ARMC8: variants seen among roughly 807,000 people sequenced by gnomAD.
The protein encoded by ARMC8 is armadillo repeat-containing protein 8.
A neutral mutation model predicts 99.3 loss-of-function variants in ARMC8; 20 were observed. The observed-to-expected ratio is 0.20, with a 90% confidence interval of 0.14 to 0.29. ARMC8 has a LOEUF of 0.29. ARMC8 is among the 10% of genes least tolerant of loss of function. The pLI is 1.00. For synonymous variants in ARMC8, 263 were observed against 278.3 expected (o/e 0.95, Z 0.55); for missense variants, 569 against 809.5 (o/e 0.70, Z 3.60).
intron 1 of ARMC8, among the ~76,000 whole-genome samples, chr3:138,190,466 T>C (rs112787513): frequency 0.014 from 2,147 of 152,124 alleles, 52 homozygotes; most frequent in African/African-American, 0.047. Flanking sequence ...TTTTTGTATT[T>C]TTAGTAGAGA....
chr3:138,253,224 CTGTT>C (rs1250583464), intron 12 of ARMC8, among the ~76,000 whole-genome samples: 1 of 152,196 alleles, frequency 6.6e-6, no homozygotes, highest in Admixed American at 6.5e-5. Flanking sequence ...TCAACAGAAT[CTGTT>C]TGGGAAACCA....
At chr3:138,248,249 A>C (rs2046969240) in intron 12 of ARMC8, among the ~76,000 whole-genome samples, 1 of 152,200 alleles carries the variant, frequency 6.6e-6, no homozygotes, top group African/African-American at 2.4e-5. Context: ...TGTTAAACTT[A>C]GAAGAATTCA....
intron 20 of ARMC8, among the ~76,000 whole-genome samples, 186 bp from the exon 21 acceptor site, chr3:138,290,360 G>A (rs999977406): frequency 6.6e-6 from 1 of 152,142 alleles, no homozygotes; most frequent in Non-Finnish European, 1.5e-5. Flanking sequence ...GCAGAGAGAC[G>A]AGTTAGAAGA....
chr3:138,205,060 C>CTTTTTTTTTTTTTT (rs71146118), intron 1 of ARMC8, among the ~76,000 whole-genome samples: 9 of 93,222 alleles, frequency 9.7e-5, no homozygotes, highest in African/African-American at 3.1e-4. Context: ...CTTTTCTTTT[C>CTTTTTTTTTTTTTT]TTTTTTTTTT....
At chr3:138,224,643 C>T (rs1276509531) in intron 5 of ARMC8, among the ~76,000 whole-genome samples, 1 of 152,086 alleles carries the variant, frequency 6.6e-6, no homozygotes, top group East Asian at 1.9e-4. Context: ...ACCAGCTACT[C>T]GGGAGGCTGA....
chr3:138,252,741 A>C (rs939414682), intron 12 of ARMC8, among the ~76,000 whole-genome samples: 308 of 2,500 alleles, frequency 0.12, no homozygotes, highest in Middle Eastern at 0.25. Context: ...GGCGTGAGCC[A>C]CCCCGCCCCC....
chr3:138,199,827 A>G (rs2043947815), intron 1 of ARMC8, among the ~76,000 whole-genome samples: 1 of 152,208 alleles, frequency 6.6e-6, no homozygotes, highest in Admixed American at 6.5e-5. Context: ...ATAATTGAGA[A>G]TTTGTGATTG....
intron 1 of ARMC8, among the ~76,000 whole-genome samples, chr3:138,201,453 T>G (rs2044070506): frequency 1.3e-5 from 1 of 79,602 alleles, no homozygotes; most frequent in Non-Finnish European, 2.3e-5. Context: ...TTTTTTTTTT[T>G]TTTTTTTTTT....
At position 138,252,746 on chromosome 3, in the gene ARMC8, GCCCCCCCCCCCC is replaced by G. The variant is rs753073185; in HGVS notation, c.1134+7568_1134+7579del. On this transcript the variant is annotated intron_variant, in intron 12 of 21. Coordinates refer to ENST00000469044, the MANE Select transcript of ARMC8 (RefSeq NM_001363941.2). ...TGGGATTACAGGCGTGAGCCACCCCGCCCCCCCCCCCCCCCCACCCGGCCTAAATAGAAACTC... is the reference window on the plus strand; with the variant it reads ...TGGGATTACAGGCGTGAGCCACCCCGCCCCACCCGGCCTAAATAGAAACTC... Among the ~76,000 whole-genome samples the G allele has an allele frequency of 1.2e-3, 6 of 4,976 alleles. 1 individual carries two copies. The East Asian group carries it at 0.27, about 226-fold the overall frequency. The allele number at this position is 4,976 out of a possible 152,430, so 3.3% of individuals were successfully genotyped here. A position where few individuals can be genotyped will look rare whatever the true frequency, so the allele number is the denominator to read the frequency against.
At chr3:138,220,804 C>T (rs551897673) in intron 2 of ARMC8, among the ~76,000 whole-genome samples, 2 of 151,840 alleles carry the variant, frequency 1.3e-5, no homozygotes, top group African/African-American at 2.4e-5. Context: ...ATCCTCCTAC[C>T]TTAGCCCCCC....
intron 2 of ARMC8, among the ~76,000 whole-genome samples, chr3:138,210,785 TCGG>T (rs1391591671): frequency 2.0e-5 from 3 of 152,146 alleles, no homozygotes; most frequent in South Asian, 2.1e-4. Context: ...ACAAGTTTCT[TCGG>T]ACTGCAGTTC....
chr3:138,277,635 A>G (rs2049429679), intron 18 of ARMC8, among the ~76,000 whole-genome samples: 2 of 152,250 alleles, frequency 1.3e-5, no homozygotes, highest in Admixed American at 1.3e-4. Flanking sequence ...AGAATAGCTA[A>G]AAATTTTTTT....
intron 1 of ARMC8, among the ~76,000 whole-genome samples, chr3:138,193,309 G>T (rs2043501412): frequency 6.6e-6 from 1 of 151,538 alleles, no homozygotes; most frequent in Admixed American, 6.6e-5. Flanking sequence ...CATCCGGGCT[G>T]GAGTGCAGTG....
At position 138,191,391 on chromosome 3, in the gene ARMC8, T is replaced by G. The variant is rs181988992; in HGVS notation, c.45+3792T>G. 8.5e-5 allele frequency among the ~76,000 whole-genome samples: 13 copies of G among 152,366 alleles called. No homozygotes were observed. The East Asian group carries it at 1.5e-3, about 18-fold the overall frequency. On this transcript the variant is annotated intron_variant, in intron 1 of 21. Transcript: ENST00000469044. The stretch of plus-strand genomic sequence containing the variant: ...AAAAACATTTATTTTGAAATAATTA[T>G]AGATTCACAGGAAGTTGCAAAGATA...
chr3:138,242,009 C>G, intron 11 of ARMC8, 26 bp downstream of exon 11: 1 of 1,594,412 alleles, frequency 6.3e-7, no homozygotes, highest in Non-Finnish European at 8.6e-7. Flanking sequence ...TTTTTAGCAG[C>G]TCAAGGGAGA....
chr3:138,286,951 CA>C (rs2050487844), intron 19 of ARMC8, among the ~76,000 whole-genome samples: 1 of 152,210 alleles, frequency 6.6e-6, no homozygotes, highest in Non-Finnish European at 1.5e-5. Context: ...CTCATTCACT[CA>C]ATTTATCAAC....
chr3:138,237,211 G>T (rs563346774), intron 7 of ARMC8, 98 bp from the exon 8 acceptor site: 7 of 1,057,874 alleles, frequency 6.6e-6, no homozygotes, highest in African/African-American at 3.2e-5. Flanking sequence ...ATTTTAAGCA[G>T]ATTTACATAA....
chr3:138,263,587 C>T (rs568422712), intron 12 of ARMC8, 152 bp from the exon 13 acceptor site: 28 of 695,670 alleles, frequency 4.0e-5, no homozygotes, highest in East Asian at 2.1e-4. Context: ...ATGAGCTGCC[C>T]GCCCCCAGCG....
intron 18 of ARMC8, among the ~76,000 whole-genome samples, chr3:138,277,424 C>T (rs1024721502): frequency 6.6e-6 from 1 of 152,210 alleles, no homozygotes; most frequent in African/African-American, 2.4e-5. Flanking sequence ...TGTAAAACTT[C>T]TGCGTCGTGA....
Sources: gnomAD v4.1 joint callset for allele counts (sites outside exome capture counted in the v4.1 genomes callset) on GRCh38, gnomAD v4.1.1 for gene constraint, MANE v1.5 for transcripts, NCBI Gene and HGNC (gene_info 2026-07-23, HGNC 2026-07-21) for gene names.